The following IL27RA variants were observed in gnomAD, a reference collection of about 807,000 sequenced individuals.
IL27RA encodes interleukin-27 receptor subunit alpha.
Under a neutral mutation model 80.8 loss-of-function variants are expected in IL27RA, and 61 were observed. The observed-to-expected ratio is 0.76, with a 90% CI of 0.61 to 0.93. IL27RA has a LOEUF of 0.93. Ranked by LOEUF, IL27RA falls within the 40% of genes least tolerant of loss-of-function variation. The probability of loss-of-function intolerance (pLI) is 0.00; values close to 1 mark genes in which losing one functional copy is unlikely to be tolerated. For missense variants in IL27RA, 735 were observed against 808.1 expected (o/e 0.91, Z 1.10); for synonymous variants, 316 against 332.5 (o/e 0.95, Z 0.54).
chr19:14,052,525 A>T lies in IL27RA; in HGVS notation c.*235A>T, dbSNP rs372731041. The T allele has an allele frequency of 7.1e-6, 3 of 422,210 alleles. No individual in the cohort carries two copies. The highest frequency in any genetic ancestry group is 1.4e-4 in the South Asian group (2 of 14,236). The allele number at this position is 422,210 out of a possible 1,614,324, so 26.2% of individuals were successfully genotyped here. A position where few individuals can be genotyped will look rare whatever the true frequency, so the allele number is the denominator to read the frequency against. On this transcript the variant is annotated 3_prime_UTR_variant, in exon 14 of 14. Transcript: ENST00000263379. ...AAGGTGGAGCAAAGGAAAATACATG[A>T]AATTGAGAGTGGCAGCTGCCTGCCA...
At chr19:14,037,235 T>C (rs1975916178) in intron 2 of IL27RA, among the ~76,000 whole-genome samples, 1 of 151,874 alleles carries the variant, frequency 6.6e-6, no homozygotes, top group Non-Finnish European at 1.5e-5. Context: ...ACAAACTGAT[T>C]TCATTTCCTT....
intron 2 of IL27RA, among the ~76,000 whole-genome samples, chr19:14,039,130 CAA>C (rs1022879181): frequency 6.6e-6 from 1 of 151,510 alleles, no homozygotes. Context: ...ACTAAAAACA[CAA>C]AAAAATTGGC....
chr19:14,050,244 A>G (rs1011518792), intron 10 of IL27RA, among the ~76,000 whole-genome samples: 3 of 151,026 alleles, frequency 2.0e-5, no homozygotes, highest in Admixed American at 6.6e-5. Flanking sequence ...GCTCACACCT[A>G]TAATCCCAGC....
chr19:14,049,962 G>A (rs1283980743), intron 10 of IL27RA, among the ~76,000 whole-genome samples: 1 of 151,822 alleles, frequency 6.6e-6, no homozygotes, highest in Non-Finnish European at 1.5e-5. Context: ...GCCAAGGCAG[G>A]CAGATCACTT....
At chr19:14,043,227 A>C (rs940409160) in intron 6 of IL27RA, among the ~76,000 whole-genome samples, 31 of 152,048 alleles carry the variant, frequency 2.0e-4, no homozygotes, top group Non-Finnish European at 3.2e-4. Flanking sequence ...CGAAGATTCA[A>C]GGATGGGTTG....
intron 6 of IL27RA, 82 bp from the exon 7 acceptor site, chr19:14,046,072 G>A: frequency 1.5e-6 from 2 of 1,329,352 alleles, no homozygotes; most frequent in Non-Finnish European, 2.1e-6. Flanking sequence ...CTGACCGGTG[G>A]TTTATCAGGT....
At chr19:14,052,058 G>A in intron 13 of IL27RA, 38 bp from the exon 14 acceptor site, 1 of 1,599,546 alleles carries the variant, frequency 6.3e-7, no homozygotes, top group Non-Finnish European at 8.5e-7. Flanking sequence ...TGTGGGTCGG[G>A]GAGGCTGGGG....
At chr19:14,049,771 A>AG (rs1976131863) in intron 10 of IL27RA, among the ~76,000 whole-genome samples, 2 of 151,716 alleles carry the variant, frequency 1.3e-5, no homozygotes, top group South Asian at 4.2e-4. Flanking sequence ...TAGTAGAGAC[A>AG]GTTTCACCAT....
intron 2 of IL27RA, among the ~76,000 whole-genome samples, chr19:14,037,001 A>C (rs1975912435): frequency 6.6e-6 from 1 of 151,720 alleles, no homozygotes; most frequent in African/African-American, 2.4e-5. Flanking sequence ...ACACCTGGCT[A>C]ATTTTTGTAT....
intron 2 of IL27RA, among the ~76,000 whole-genome samples, chr19:14,032,805 CAAA>C (rs60328140): frequency 1.5e-4 from 9 of 60,794 alleles, no homozygotes; most frequent in East Asian, 4.6e-4. Flanking sequence ...GACTCTGTCT[CAAA>C]AAAAAAAAAA....
intron 2 of IL27RA, among the ~76,000 whole-genome samples, chr19:14,035,507 T>A (rs1200283671): frequency 1.3e-5 from 2 of 152,008 alleles, no homozygotes; most frequent in Non-Finnish European, 1.5e-5. Flanking sequence ...GCAATTCTCC[T>A]GCCTCAGCCT....
At chr19:14,032,009 C>T (rs1187306289) in intron 1 of IL27RA, 37 bp downstream of exon 1, 3 of 1,543,828 alleles carry the variant, frequency 1.9e-6, no homozygotes, top group Admixed American at 1.8e-5. Flanking sequence ...CGGGCGCTGC[C>T]GCTGCGCTCC....
At chr19:14,046,023 C>A in intron 6 of IL27RA, 131 bp from the exon 7 acceptor site, 2 of 885,690 alleles carry the variant, frequency 2.3e-6, no homozygotes, top group South Asian at 3.3e-5. Context: ...AAGACTCCGT[C>A]TCAAAAAACA....
chr19:14,039,764 G>C lies in IL27RA; in HGVS notation c.388G>C (p.Ala130Pro). 1 of 1,613,640 alleles carries C rather than the reference G, an allele frequency of 6.2e-7. No homozygotes were observed. Among genetic ancestry groups the C allele is most frequent in the Non-Finnish European group, 8.5e-7 (1 of 1,179,760 alleles). The change falls in exon 4 of 14, where the codon GCC becomes CCC. Residue 130 changes from alanine (A) to proline (P), a missense_variant. Transcript: ENST00000263379. The stretch of plus-strand genomic sequence containing the variant: ...TTCCCCTTCCCCAGTGAAGCCAAAC[G>C]CCCCCCGGCTGGGCCCTGACGTGGA... ...VNLETQMKPNAPRLGPDVDFS... is the reference protein window; with the variant it reads ...VNLETQMKPNPPRLGPDVDFS...
chr19:14,033,085 G>A (rs1336926734), intron 2 of IL27RA, among the ~76,000 whole-genome samples: 3 of 146,464 alleles, frequency 2.0e-5, no homozygotes, highest in Admixed American at 6.8e-5. Context: ...GTTTTAGAGA[G>A]CCCGTCACTT....
chr19:14,041,042 T>C (rs1975983358), intron 4 of IL27RA, among the ~76,000 whole-genome samples: 1 of 151,778 alleles, frequency 6.6e-6, no homozygotes, highest in South Asian at 2.1e-4. Context: ...TAGCTGGGAT[T>C]ACAGGCATGT....
At position 14,039,870 on chromosome 19, in the gene IL27RA, A is replaced by C. The variant is rs1225361107; in HGVS notation, c.494A>C (p.Gln165Pro). 1.2e-6 allele frequency: 2 copies of C among 1,614,164 alleles called. No individual in the cohort carries two copies. The highest frequency in any genetic ancestry group is 1.7e-6 in the Non-Finnish European group (2 of 1,180,034). ...TWPSHKVLIC[Q>P]FHYRRCQEAA... is the part of the protein sequence containing the mutation. ...CCATCTCATAAAGTTCTGATCTGCCAGTTCCACTACCGAAGATGTCAGGAG... is the reference window on the plus strand; with the variant it reads ...CCATCTCATAAAGTTCTGATCTGCCCGTTCCACTACCGAAGATGTCAGGAG... The change falls in exon 4 of 14, where the codon CAG becomes CCG. Residue 165 changes from glutamine (Q) to proline (P), a missense_variant. Transcript: ENST00000263379.
At chr19:14,040,049 T>C in intron 4 of IL27RA, 139 bp downstream of exon 4, 1 of 807,326 alleles carries the variant, frequency 1.2e-6, no homozygotes, top group Non-Finnish European at 2.0e-6. Flanking sequence ...TGCCTGCATG[T>C]GCCTCTTGTT....
intron 2 of IL27RA, among the ~76,000 whole-genome samples, chr19:14,035,110 C>T (rs1599545839): frequency 6.6e-6 from 1 of 151,104 alleles, no homozygotes; most frequent in East Asian, 2.0e-4. Flanking sequence ...CCACCTCAGC[C>T]TCCCAAGTAG....
Sources: gnomAD v4.1 joint callset for allele counts (sites outside exome capture counted in the v4.1 genomes callset) on GRCh38, gnomAD v4.1.1 for gene constraint, MANE v1.5 for transcripts, NCBI Gene and HGNC (gene_info 2026-07-23, HGNC 2026-07-21) for gene names.